Variants in KCNQ5 observed in about 807,000 individuals in gnomAD.
KCNQ5 encodes the protein potassium voltage-gated channel subfamily Q member 5.
KCNQ5 carries 30 observed loss-of-function variants against 98.2 expected under a neutral mutation model. The observed-to-expected ratio is 0.31, with a 90% CI of 0.23 to 0.41. The LOEUF (loss-of-function observed/expected upper bound fraction) is 0.41. KCNQ5 is among the 10% of genes least tolerant of loss of function. KCNQ5 has a pLI of 1.00. For synonymous variants in KCNQ5, 458 were observed against 449.4 expected (o/e 1.02, Z -0.24); for missense variants, 835 against 1,182.5 (o/e 0.71, Z 4.31).
intron 2 of KCNQ5, among the ~76,000 whole-genome samples, chr6:73,039,476 C>T (rs1771593982): frequency 6.6e-6 from 1 of 152,106 alleles, no homozygotes; most frequent in African/African-American, 2.4e-5. Context: ...ATTTTCCTCT[C>T]AGCACTGCTT....
At chr6:73,141,562 T>C (rs764398051) in intron 10 of KCNQ5, among the ~76,000 whole-genome samples, 3 of 152,198 alleles carry the variant, frequency 2.0e-5, no homozygotes, top group Non-Finnish European at 2.9e-5. Flanking sequence ...TACTCTACAG[T>C]GATAAGGAAA....
chr6:72,690,585 G>C (rs546875938), intron 1 of KCNQ5, among the ~76,000 whole-genome samples: 2 of 152,034 alleles, frequency 1.3e-5, no homozygotes, highest in South Asian at 2.1e-4. Context: ...ATCTACAAAA[G>C]ATTTACAGTA....
At chr6:73,093,391 T>C (rs1295097862) in intron 5 of KCNQ5, among the ~76,000 whole-genome samples, 1 of 152,192 alleles carries the variant, frequency 6.6e-6, no homozygotes, top group Non-Finnish European at 1.5e-5. Flanking sequence ...TTTGTTTGTT[T>C]GTTTCAAATT....
chr6:72,909,040 T>C (rs571074078), intron 1 of KCNQ5, among the ~76,000 whole-genome samples: 1 of 152,124 alleles, frequency 6.6e-6, no homozygotes, highest in Non-Finnish European at 1.5e-5. Context: ...ATCAAATATC[T>C]AAAATAGAAA....
Position 72,833,162 on chromosome 6 carries a change from G to A in KCNQ5, c.399-170746G>A, listed in dbSNP as rs76971743. Reference sequence around the variant, plus strand: ...CTAAATATTCATGAACTGTTCGACAGGCCACTTAACTTCTCTGTGTGGCAT... The same window carrying A: ...CTAAATATTCATGAACTGTTCGACAAGCCACTTAACTTCTCTGTGTGGCAT... On this transcript the variant is annotated intron_variant, in intron 1 of 13. Transcript: ENST00000370398. Among the ~76,000 whole-genome samples the A allele has an allele frequency of 6.1e-3, 935 of 152,228 alleles. 11 individuals are homozygous for A. The highest frequency in any genetic ancestry group is 0.02 in the African/African-American group (850 of 41,530).
chr6:72,689,869 A>G (rs111498671), intron 1 of KCNQ5, among the ~76,000 whole-genome samples: 2,019 of 152,128 alleles, frequency 0.013, 33 homozygotes, highest in African/African-American at 0.042. Flanking sequence ...CTGATTGGGT[A>G]ACTGATTTTT....
At chr6:72,717,863 T>G (rs745406135) in intron 1 of KCNQ5, among the ~76,000 whole-genome samples, 3 of 152,218 alleles carry the variant, frequency 2.0e-5, no homozygotes, top group Non-Finnish European at 4.4e-5. Flanking sequence ...TTGAAAAATT[T>G]ATTTATTAAG....
chr6:72,748,784 G>A (rs1399789756), intron 1 of KCNQ5, among the ~76,000 whole-genome samples: 1 of 152,170 alleles, frequency 6.6e-6, no homozygotes, highest in Non-Finnish European at 1.5e-5. Flanking sequence ...GGCAAACTCA[G>A]TGAATGTAAG....
At chr6:73,007,403 C>T (rs1226370023) in intron 2 of KCNQ5, among the ~76,000 whole-genome samples, 1 of 152,146 alleles carries the variant, frequency 6.6e-6, no homozygotes, top group Admixed American at 6.5e-5. Context: ...GTTGTCTTAT[C>T]TGTTAAAAGT....
intron 1 of KCNQ5, chr6:72,987,386 G>T: frequency 4.2e-6 from 3 of 715,408 alleles, no homozygotes; most frequent in Non-Finnish European, 7.9e-6. Flanking sequence ...CAGGCAAAAC[G>T]GAAGCTTGTG....
At chr6:72,910,894 A>T (rs1779916090) in intron 1 of KCNQ5, among the ~76,000 whole-genome samples, 1 of 152,162 alleles carries the variant, frequency 6.6e-6, no homozygotes, top group African/African-American at 2.4e-5. Flanking sequence ...ACAAGAACCC[A>T]TAAATGGAAG....
chr6:72,766,388 G>A (rs762191647), intron 1 of KCNQ5, among the ~76,000 whole-genome samples: 1 of 151,892 alleles, frequency 6.6e-6, no homozygotes, highest in East Asian at 1.9e-4. Flanking sequence ...TCATCGGAAG[G>A]CTTTGAAAAA....
chr6:73,074,843 T>C (rs1773458357), intron 3 of KCNQ5, among the ~76,000 whole-genome samples: 1 of 152,122 alleles, frequency 6.6e-6, no homozygotes, highest in South Asian at 2.1e-4. Flanking sequence ...CTACTAGCCA[T>C]GTACTTATTT....
At chr6:72,742,415 A>G (rs1771177685) in intron 1 of KCNQ5, among the ~76,000 whole-genome samples, 1 of 152,152 alleles carries the variant, frequency 6.6e-6, no homozygotes, top group South Asian at 2.1e-4. Context: ...CACATATACA[A>G]TTGTTCCTTT....
At chr6:73,034,419 T>A (rs1273907251) in intron 2 of KCNQ5, among the ~76,000 whole-genome samples, 1 of 152,222 alleles carries the variant, frequency 6.6e-6, no homozygotes, top group Admixed American at 6.5e-5. Flanking sequence ...ACAGGGTTTA[T>A]AATGTCGGCA....
At chr6:73,016,835 C>T (rs1197373293) in intron 2 of KCNQ5, among the ~76,000 whole-genome samples, 2 of 152,108 alleles carry the variant, frequency 1.3e-5, no homozygotes, top group African/African-American at 2.4e-5. Flanking sequence ...CCTTCAGTTA[C>T]TACATAGCTG....
chr6:72,828,132 G>A lies in KCNQ5; in HGVS notation c.399-175776G>A, dbSNP rs563697748. Among the ~76,000 whole-genome samples, 122 of 152,102 alleles carry A rather than the reference G, an allele frequency of 8.0e-4. 1 individual carries two copies. Among genetic ancestry groups the A allele is most frequent in the Non-Finnish European group, 1.4e-3 (93 of 67,950 alleles). On this transcript the variant is annotated intron_variant, in intron 1 of 13. Coordinates refer to ENST00000370398, the MANE Select transcript of KCNQ5 (RefSeq NM_019842.4). ...TACTATGCTGTTGTAGTTCCTGCAG[G>A]TTTGTAGTATATATTGAGGACTGGT...
At chr6:73,001,935 C>A (rs1413142199) in intron 1 of KCNQ5, among the ~76,000 whole-genome samples, 2 of 151,608 alleles carry the variant, frequency 1.3e-5, no homozygotes, top group African/African-American at 4.8e-5. Context: ...GCCTGAGCAA[C>A]ATGGTGAGAC....
At chr6:72,790,337 T>G (rs1377555168) in intron 1 of KCNQ5, among the ~76,000 whole-genome samples, 1 of 152,210 alleles carries the variant, frequency 6.6e-6, no homozygotes, top group Non-Finnish European at 1.5e-5. Context: ...ATGAATTTAG[T>G]AGCTAATTCA....
Sources: allele counts gnomAD v4.1 joint callset (sites outside exome capture counted in the v4.1 genomes callset), GRCh38; gene constraint gnomAD v4.1.1; transcripts MANE v1.5; gene names NCBI Gene and HGNC (gene_info 2026-07-23, HGNC 2026-07-21).